Variants in PCDH7 observed in about 807,000 individuals in gnomAD.
The protein encoded by PCDH7 is protocadherin 7, also known as protocadherin-7.
In PCDH7, 17 loss-of-function variants were observed where a neutral mutation model predicts 58.9. That is an observed-to-expected ratio of 0.29 (90% confidence interval 0.20 to 0.43). PCDH7 has a LOEUF of 0.43. PCDH7 is among the 20% of genes least tolerant of loss of function. The probability of loss-of-function intolerance (pLI) is 1.00; values close to 1 mark genes in which losing one functional copy is unlikely to be tolerated. For missense variants in PCDH7, 1,274 were observed against 1,441.0 expected (o/e 0.88, Z 1.88); for synonymous variants, 664 against 616.4 (o/e 1.08, Z -1.14).
At chr4:30,848,588 G>A (rs1218758366) in intron 1 of PCDH7, among the ~76,000 whole-genome samples, 1 of 152,084 alleles carries the variant, frequency 6.6e-6, no homozygotes, top group Non-Finnish European at 1.5e-5. Context: ...AAGACTGCTA[G>A]CTTTCAGTAC....
intron 2 of PCDH7, among the ~76,000 whole-genome samples, chr4:30,943,798 C>G (rs1178904465): frequency 6.7e-6 from 1 of 149,660 alleles, no homozygotes; most frequent in African/African-American, 2.5e-5. Flanking sequence ...AATTTTTTTT[C>G]CAGTGTGGCC....
At position 31,119,509 on chromosome 4, in the gene PCDH7, A is replaced by T. The variant is rs144890885; in HGVS notation, c.*8-22964A>T. Among the ~76,000 whole-genome samples the T allele has an allele frequency of 8.3e-3, 1,259 of 152,254 alleles. 16 individuals are homozygous for T. Among genetic ancestry groups the T allele is most frequent in the African/African-American group, 0.029 (1,203 of 41,536 alleles). ...TCAGGGGCATAAGGCAGAAGAAGTG[A>T]CTGAGACAAGTTTTAGAGCAGGAGT... On this transcript the variant is annotated intron_variant, in intron 3 of 3. Transcript: ENST00000509759.
At chr4:30,925,747 A>G (rs1481770654) in intron 2 of PCDH7, 2 of 152,174 alleles carry the variant, frequency 1.3e-5, no homozygotes, top group East Asian at 3.9e-4. Context: ...TCTTCATAGT[A>G]ATATATAGAG....
intron 3 of PCDH7, among the ~76,000 whole-genome samples, chr4:31,063,881 A>G (rs1757886591): frequency 6.6e-6 from 1 of 151,922 alleles, no homozygotes; most frequent in Admixed American, 6.6e-5. Context: ...AGATGGAGAA[A>G]CTGAGACAGG....
chr4:30,909,806 A>C (rs1016452929), intron 1 of PCDH7, among the ~76,000 whole-genome samples: 26 of 152,330 alleles, frequency 1.7e-4, no homozygotes, highest in Non-Finnish European at 2.9e-4. Flanking sequence ...GACTTTCTTC[A>C]CAGCATTAGA....
At chr4:30,981,944 G>T (rs1294770127) in intron 3 of PCDH7, among the ~76,000 whole-genome samples, 1 of 152,130 alleles carries the variant, frequency 6.6e-6, no homozygotes, top group East Asian at 1.9e-4. Context: ...CGTTAGAACA[G>T]AATTGCAAGT....
chr4:31,106,411 C>CAGGT (rs1184291392), intron 3 of PCDH7, among the ~76,000 whole-genome samples: 3 of 152,146 alleles, frequency 2.0e-5, no homozygotes, highest in African/African-American at 2.4e-5. Flanking sequence ...CGCTAGTCAC[C>CAGGT]AGGTAAGTGC....
intron 1 of PCDH7, among the ~76,000 whole-genome samples, chr4:30,802,626 G>A (rs1725673113): frequency 6.6e-6 from 1 of 152,044 alleles, no homozygotes; most frequent in Non-Finnish European, 1.5e-5. Flanking sequence ...TGGAGATATA[G>A]AGGAGGGAAG....
intron 1 of PCDH7, among the ~76,000 whole-genome samples, chr4:30,912,092 AT>A (rs552559575): frequency 4.6e-5 from 7 of 152,278 alleles, no homozygotes; most frequent in African/African-American, 1.7e-4. Context: ...ATGAATCCAA[AT>A]GTCTCAACAT....
At chr4:30,958,103 TA>T (rs1282422936) in intron 3 of PCDH7, among the ~76,000 whole-genome samples, 1 of 151,836 alleles carries the variant, frequency 6.6e-6, no homozygotes, top group Non-Finnish European at 1.5e-5. Context: ...CAGAACAAAC[TA>T]TATATACATG....
intron 1 of PCDH7, among the ~76,000 whole-genome samples, chr4:30,778,833 C>A (rs1722412618): frequency 6.6e-6 from 1 of 151,958 alleles, no homozygotes; most frequent in Non-Finnish European, 1.5e-5. Context: ...ATATAATTCT[C>A]ATAATTTAAG....
chr4:30,869,505 C>T (rs1179362278), intron 1 of PCDH7, among the ~76,000 whole-genome samples: 1 of 152,102 alleles, frequency 6.6e-6, no homozygotes, highest in Admixed American at 6.6e-5. Flanking sequence ...CATTGTTCAA[C>T]TCCTACTTAT....
At chr4:30,977,261 C>T (rs1750154750) in intron 3 of PCDH7, among the ~76,000 whole-genome samples, 1 of 152,074 alleles carries the variant, frequency 6.6e-6, no homozygotes, top group Admixed American at 6.6e-5. Flanking sequence ...GGAGTCTTGC[C>T]ACTCCATTAC....
chr4:31,039,394 C>T (rs891290974), intron 3 of PCDH7, among the ~76,000 whole-genome samples: 2 of 152,076 alleles, frequency 1.3e-5, no homozygotes, highest in South Asian at 4.1e-4. Context: ...TTTTGTTTTG[C>T]TTTGTTTTAG....
chr4:30,874,911 T>C (rs572652762), intron 1 of PCDH7, among the ~76,000 whole-genome samples: 2 of 152,064 alleles, frequency 1.3e-5, no homozygotes, highest in Non-Finnish European at 2.9e-5. Context: ...TTATTTTTAC[T>C]GTGGCTCCTG....
intron 3 of PCDH7, among the ~76,000 whole-genome samples, chr4:31,087,907 A>G (rs1362009997): frequency 3.9e-5 from 6 of 152,078 alleles, no homozygotes; most frequent in African/African-American, 1.4e-4. Flanking sequence ...TAATGATCAT[A>G]CAATAAAAGC....
chr4:30,920,295 T>C, exon 2 of PCDH7: 1 of 1,367,444 alleles, frequency 7.3e-7, no homozygotes, highest in Non-Finnish European at 9.8e-7. Flanking sequence ...CTGGGTGCGC[T>C]TCCACTCCCA....
intron 1 of PCDH7, among the ~76,000 whole-genome samples, chr4:30,729,841 A>G (rs1020050690): frequency 6.6e-6 from 1 of 152,010 alleles, no homozygotes; most frequent in African/African-American, 2.4e-5. Flanking sequence ...GAAGAATATG[A>G]CATTTTGTTA....
chr4:30,984,942 G>A (rs1023224367), intron 3 of PCDH7, among the ~76,000 whole-genome samples: 5 of 151,990 alleles, frequency 3.3e-5, no homozygotes, highest in African/African-American at 9.7e-5. Flanking sequence ...GGGGACATTT[G>A]TGCACTGTTT....
Sources: gnomAD v4.1 joint callset for allele counts (sites outside exome capture counted in the v4.1 genomes callset) on GRCh38, gnomAD v4.1.1 for gene constraint, MANE v1.5 for transcripts, NCBI Gene and HGNC (gene_info 2026-07-23, HGNC 2026-07-21) for gene names.